Variants in PPP6R3 observed in about 807,000 individuals in gnomAD.
PPP6R3 encodes serine/threonine-protein phosphatase 6 regulatory subunit 3.
A neutral mutation model predicts 110.7 loss-of-function variants in PPP6R3; 38 were observed. The ratio of observed to expected loss-of-function variants is 0.34; its 90% CI spans 0.26 to 0.45. The LOEUF is 0.45. Among genes scored for constraint, PPP6R3 ranks in the 20% least tolerant of loss-of-function variants. The pLI is 1.00. For missense variants in PPP6R3, 870 were observed against 1,062.4 expected (o/e 0.82, Z 2.52); for synonymous variants, 369 against 373.5 (o/e 0.99, Z 0.14).
At chr11:68,565,391 G>C (rs1046316219) in intron 9 of PPP6R3, among the ~76,000 whole-genome samples, 2 of 151,960 alleles carry the variant, frequency 1.3e-5, no homozygotes, top group Admixed American at 1.3e-4. Flanking sequence ...TCTGCATTCA[G>C]CCTGTGTTGG....
chr11:68,610,059 GCCCTGA>G, intron 23 of PPP6R3, 36 bp downstream of exon 23: 1 of 1,606,760 alleles, frequency 6.2e-7, no homozygotes, highest in Non-Finnish European at 8.5e-7. Flanking sequence ...CCCAGGCCCT[GCCCTGA>G]CCTTGCCTGT....
At position 68,534,756 on chromosome 11, in the gene PPP6R3, A is replaced by AT. The variant is rs369187392; in HGVS notation, c.-6-2903_-6-2902insT. ...ACTAAGTGTGGGGAAGAGTAGTAAA[A>AT]ATATATTTTAAAAAAAGGTTTTGTG... is the stretch of plus-strand genomic sequence containing the variant. On this transcript the variant is annotated intron_variant, in intron 2 of 23. Transcript: ENST00000393800. 2.3e-3 allele frequency among the ~76,000 whole-genome samples: 354 copies of AT among 152,254 alleles called. 2 individuals are homozygous for AT. Among genetic ancestry groups the AT allele is most frequent in the African/African-American group, 8.1e-3 (336 of 41,534 alleles).
Position 68,558,547 on chromosome 11 carries a change from T to G in PPP6R3, c.732-19T>G. On this transcript the variant is annotated intron_variant, in intron 7 of 23. Transcript: ENST00000393800. ...GATAAGTGATACTGCAGTTAGTGAT[T>G]ATTGATTTGTTTCCCTAGGCAAGAA... 1 of 1,531,430 alleles carries G rather than the reference T, an allele frequency of 6.5e-7. No individual in the cohort carries two copies. Among genetic ancestry groups the G allele is most frequent in the Non-Finnish European group, 9.0e-7 (1 of 1,107,628 alleles). 94.9% of individuals were successfully genotyped at this position (1,531,430 alleles called of 1,614,324 possible).
intron 1 of PPP6R3, among the ~76,000 whole-genome samples, chr11:68,518,128 A>G (rs1424322670): frequency 6.6e-6 from 1 of 152,222 alleles, no homozygotes; most frequent in African/African-American, 2.4e-5. Flanking sequence ...GCCAGTTGGC[A>G]CTAAAACTAC....
chr11:68,597,380 A>C (rs1408123342), intron 19 of PPP6R3, among the ~76,000 whole-genome samples: 1 of 152,210 alleles, frequency 6.6e-6, no homozygotes, highest in Non-Finnish European at 1.5e-5. Context: ...GCGGGAGCGA[A>C]GGCCAGAGGC....
At chr11:68,477,238 G>A (rs2098838798) in intron 1 of PPP6R3, among the ~76,000 whole-genome samples, 1 of 151,622 alleles carries the variant, frequency 6.6e-6, no homozygotes, top group Non-Finnish European at 1.5e-5. Context: ...CTGTTAGTTG[G>A]TGGGGGATGG....
At chr11:68,470,359 G>A (rs192333740) in intron 1 of PPP6R3, among the ~76,000 whole-genome samples, 90 of 152,192 alleles carry the variant, frequency 5.9e-4, no homozygotes, top group African/African-American at 2.1e-3. Context: ...AGGGTCAGCA[G>A]GACAAGGTGC....
At chr11:68,478,647 G>GTTTTTTTGTTTTTTT (rs2098861040) in intron 1 of PPP6R3, among the ~76,000 whole-genome samples, 1 of 50,506 alleles carries the variant, frequency 2.0e-5, no homozygotes, top group African/African-American at 9.7e-5. Flanking sequence ...CACTTGGTAA[G>GTTTTTTTGTTTTTTT]TTTTTTTTTT....
At chr11:68,587,657 A>G (rs368361450) in intron 15 of PPP6R3, 26 of 498,290 alleles carry the variant, frequency 5.2e-5, no homozygotes, top group South Asian at 3.7e-4. Context: ...ACCTCTCTCT[A>G]AAGATAATTC....
At chr11:68,554,299 G>C (rs369913901) in intron 7 of PPP6R3, 42 bp downstream of exon 7, 928 of 1,442,318 alleles carry the variant, frequency 6.4e-4, no homozygotes, top group Middle Eastern at 2.6e-3. Context: ...TCATATTGAT[G>C]CTGTTCCATG....
At position 68,614,895 on chromosome 11, in the gene PPP6R3, G is replaced by A. The variant is rs771216559; in HGVS notation, c.*1778G>A. ...CTGGTAGATAATATGCTCTGGTCTCGCCTGGTGGTGAGTTTTGCCAGCCAT... is the reference window on the plus strand; with the variant it reads ...CTGGTAGATAATATGCTCTGGTCTCACCTGGTGGTGAGTTTTGCCAGCCAT... On this transcript the variant is annotated 3_prime_UTR_variant, in exon 24 of 24. Transcript: ENST00000393800. 85 of 831,296 alleles carry A rather than the reference G, an allele frequency of 1.0e-4. No individual in the cohort carries two copies. The highest frequency in any genetic ancestry group is 1.5e-4 in the Non-Finnish European group (77 of 512,694). The allele number at this position is 831,296 out of a possible 1,614,324, so 51.5% of individuals were successfully genotyped here. A position where few individuals can be genotyped will look rare whatever the true frequency, so the allele number is the denominator to read the frequency against.
chr11:68,529,673 T>G (rs1377239934), intron 2 of PPP6R3, among the ~76,000 whole-genome samples: 1 of 152,280 alleles, frequency 6.6e-6, no homozygotes, highest in Admixed American at 6.5e-5. Flanking sequence ...TATTAGAGGC[T>G]ACAAAACAGT....
chr11:68,461,494 T>A (rs1233727444), intron 1 of PPP6R3, among the ~76,000 whole-genome samples: 1 of 83,294 alleles, frequency 1.2e-5, no homozygotes, highest in Non-Finnish European at 2.4e-5. Flanking sequence ...GAGCCGGGGG[T>A]GGGGGGGGTG....
At chr11:68,568,249 T>A (rs1298222331) in intron 10 of PPP6R3, among the ~76,000 whole-genome samples, 1 of 152,206 alleles carries the variant, frequency 6.6e-6, no homozygotes, top group Admixed American at 6.5e-5. Flanking sequence ...TGTCCTACCT[T>A]CTAGTGTATA....
chr11:68,553,125 T>C (rs1253233251), intron 6 of PPP6R3, among the ~76,000 whole-genome samples: 2 of 152,168 alleles, frequency 1.3e-5, no homozygotes, highest in African/African-American at 4.8e-5. Context: ...TCTGCCTGTA[T>C]TGGGAGCACA....
rs1035274001 is a variant in PPP6R3 at position 68,600,267 on chromosome 11, GT to G, written c.2039-69del. ...CAGCTCCAGTCTCTTTTGCTAATGT[GT>G]TTTTGATAAATACCTTGTGGTACAT... On this transcript the variant is annotated intron_variant, in intron 19 of 23. Coordinates refer to ENST00000393800, the MANE Select transcript of PPP6R3 (RefSeq NM_001164161.2). The G allele has an allele frequency of 5.1e-5, 77 of 1,510,034 alleles. 1 individual carries two copies. The Admixed American group carries it at 1.3e-3, about 26-fold the overall frequency. The allele number at this position is 1,510,034 out of a possible 1,614,324, so 93.5% of individuals were successfully genotyped here.
intron 14 of PPP6R3, among the ~76,000 whole-genome samples, chr11:68,578,072 T>A (rs2099538994): frequency 6.6e-6 from 1 of 152,166 alleles, no homozygotes; most frequent in Non-Finnish European, 1.5e-5. Flanking sequence ...CTTAAGTCCT[T>A]CTGATAGGGA....
chr11:68,552,348 A>G (rs567921421), intron 6 of PPP6R3, among the ~76,000 whole-genome samples: 1 of 152,350 alleles, frequency 6.6e-6, no homozygotes, highest in East Asian at 1.9e-4. Flanking sequence ...TCTCTCTCAC[A>G]GAAATACATT....
intron 22 of PPP6R3, among the ~76,000 whole-genome samples, chr11:68,604,541 T>C (rs1184610848): frequency 1.3e-5 from 2 of 152,234 alleles, no homozygotes; most frequent in Non-Finnish European, 2.9e-5. Flanking sequence ...AGCACTGTGC[T>C]GGTGGCCTTA....
Sources: gnomAD v4.1 joint callset for allele counts (sites outside exome capture counted in the v4.1 genomes callset) on GRCh38, gnomAD v4.1.1 for gene constraint, MANE v1.5 for transcripts, NCBI Gene and HGNC (gene_info 2026-07-23, HGNC 2026-07-21) for gene names.